The following KRT39 variants were observed in gnomAD, a reference collection of about 807,000 sequenced individuals.
KRT39 encodes keratin, type I cytoskeletal 39.
Under a neutral mutation model 54.8 loss-of-function variants are expected in KRT39, and 47 were observed. That is an observed-to-expected ratio of 0.86 (90% CI 0.68 to 1.09). The LOEUF is 1.09. KRT39 is among the 50% of genes least tolerant of loss of function. The pLI, the probability that KRT39 is intolerant of heterozygous loss-of-function variation, is 0.00. For missense variants in KRT39, 580 were observed against 598.5 expected (o/e 0.97, Z 0.32); for synonymous variants, 207 against 227.9 (o/e 0.91, Z 0.83).
intron 1 of KRT39, among the ~76,000 whole-genome samples, chr17:40,964,995 G>T (rs1911316002): frequency 6.6e-6 from 1 of 151,586 alleles, no homozygotes; most frequent in Non-Finnish European, 1.5e-5. Context: ...AGGAGATCAA[G>T]ACCATCCTGG....
Position 40,966,864 on chromosome 17 carries a change from G to A in KRT39, c.-8C>T. On this transcript the variant is annotated 5_prime_UTR_variant, in exon 1 of 7. Coordinates refer to ENST00000355612, the MANE Select transcript of KRT39 (RefSeq NM_213656.4). ...ACAGCCCTTGGTGTCCATAGTATGT[G>A]TCTGGCTTTAGTTTGTTCCAGGTCT... 1.3e-6 allele frequency: 2 copies of A among 1,569,312 alleles called. No homozygotes were observed. Among genetic ancestry groups the A allele is most frequent in the South Asian group, 2.2e-5 (2 of 90,270 alleles).
chr17:40,964,589 C>T, intron 1 of KRT39, 61 bp from the exon 2 acceptor site: 2 of 1,194,908 alleles, frequency 1.7e-6, no homozygotes, highest in Admixed American at 1.7e-5. Context: ...TCTTTAAGAA[C>T]CAAGGGGTTT....
chr17:40,960,553 C>T (rs1427871230), intron 5 of KRT39, 52 bp from the exon 6 acceptor site: 1 of 1,331,472 alleles, frequency 7.5e-7, no homozygotes, highest in East Asian at 2.3e-5. Flanking sequence ...AAGCCCAGGT[C>T]ACCTGTGACC....
chr17:40,961,586 T>C, intron 5 of KRT39, among the ~76,000 whole-genome samples: 1 of 152,212 alleles, frequency 6.6e-6, no homozygotes, highest in East Asian at 1.9e-4. Context: ...TTATTTCTTT[T>C]GTGACTTTGG....
chr17:40,958,924 T>C (rs1276844060), intron 6 of KRT39, 65 bp from the exon 7 acceptor site: 4 of 1,480,632 alleles, frequency 2.7e-6, no homozygotes, highest in Admixed American at 2.3e-5. Context: ...TGGAGAAAAA[T>C]GATTGTGGCT....
rs367785023 is a variant in KRT39, at chr17:40,962,482, C to T, written c.790G>A (p.Val264Ile). Reference sequence around the variant, plus strand: ...TATTGACATCTCATTTCTTGTAGAACCTGGTTTAGGTCAGCAGAAGGGGCA... The same window carrying T: ...TATTGACATCTCATTTCTTGTAGAATCTGGTTTAGGTCAGCAGAAGGGGCA... ...TAAPSADLNQ[V>I]LQEMRCQYEP... Residue 264 changes from valine (V) to isoleucine (I), a missense_variant, in exon 4 of 7, where the codon GTT becomes ATT. Coordinates refer to ENST00000355612, the MANE Select transcript of KRT39 (RefSeq NM_213656.4). The T allele has an allele frequency of 8.7e-5, 140 of 1,614,014 alleles. No individual in the cohort carries two copies. Among genetic ancestry groups the T allele is most frequent in the Non-Finnish European group, 1.1e-4 (126 of 1,180,034 alleles).
intron 3 of KRT39, among the ~76,000 whole-genome samples, chr17:40,963,078 T>C (rs1037465588): frequency 6.6e-6 from 1 of 152,192 alleles, no homozygotes; most frequent in Admixed American, 6.5e-5. Context: ...GCTCCAGATA[T>C]TGTGTTGGAG....
intron 1 of KRT39, among the ~76,000 whole-genome samples, chr17:40,964,934 C>T (rs1259239011): frequency 2.0e-5 from 3 of 151,002 alleles, no homozygotes; most frequent in Admixed American, 1.3e-4. Flanking sequence ...CAGTGGCTCA[C>T]GCCTGTAATC....
chr17:40,960,571 T>A, intron 5 of KRT39, 70 bp from the exon 6 acceptor site: 13 of 1,152,494 alleles, frequency 1.1e-5, no homozygotes, highest in African/African-American at 7.7e-5. Context: ...ACCTGTATCA[T>A]TTAAAAAAAA....
intron 2 of KRT39, chr17:40,964,023 T>A (rs1911262822): frequency 2.3e-6 from 1 of 434,510 alleles, no homozygotes; most frequent in African/African-American, 2.0e-5. Context: ...TTATTGTCCT[T>A]CCTCTGCCCC....
Position 40,963,745 on chromosome 17 carries a change from G to C in KRT39, c.590C>G (p.Ser197Ter), listed in dbSNP as rs1171093518. ...AEVSLRQLVE[S>*]DANGLKQILN... ...GATCTGCTTGAGGCCATTGGCATCTGACTCTACCAGCTGGCGTAGAGACAC... is the reference window on the plus strand; with the variant it reads ...GATCTGCTTGAGGCCATTGGCATCTCACTCTACCAGCTGGCGTAGAGACAC... The change falls in exon 3 of 7, where the codon TCA becomes TGA. Residue 197 changes from serine (S) to a stop codon, truncating the protein, a stop_gained. Transcript: ENST00000355612. LOFTEE classifies it high-confidence loss of function. The C allele has an allele frequency of 6.2e-7, 1 of 1,605,802 alleles. No homozygotes were observed. Among genetic ancestry groups the C allele is most frequent in the Middle Eastern group, 1.7e-4 (1 of 6,034 alleles).
At chr17:40,960,700 C>T in intron 5 of KRT39, 199 bp from the exon 6 acceptor site, 1 of 585,572 alleles carries the variant, frequency 1.7e-6, no homozygotes, top group South Asian at 2.2e-5. Flanking sequence ...TTATCTCTTC[C>T]CTCTTTCTCT....
intron 3 of KRT39, 24 bp downstream of exon 3, chr17:40,963,603 T>C: frequency 6.4e-7 from 1 of 1,569,682 alleles, no homozygotes; most frequent in Non-Finnish European, 8.7e-7. Context: ...TAGCTTGTGA[T>C]TACTCTATTG....
intron 1 of KRT39, among the ~76,000 whole-genome samples, chr17:40,966,098 T>C (rs1235693008): frequency 2.0e-5 from 3 of 150,786 alleles, no homozygotes; most frequent in African/African-American, 4.9e-5. Flanking sequence ...TGTGTAAGGA[T>C]GGAATTTCAT....
Position 40,958,484 on chromosome 17 carries a change from G to T in KRT39, c.*117C>A. ...TTCTACCTAGCAATGGGGACCCGCT[G>T]TAGTAGTAAGAAACTAAGTACCTTA... On this transcript the variant is annotated 3_prime_UTR_variant, in exon 7 of 7. Transcript: ENST00000355612. 8.7e-7 allele frequency: 1 copy of T among 1,148,416 alleles called. No homozygotes were observed. The highest frequency in any genetic ancestry group is 1.2e-6 in the Non-Finnish European group (1 of 813,488). 71.1% of individuals were successfully genotyped at this position (1,148,416 alleles called of 1,614,324 possible).
chr17:40,964,338 A>G (rs1911273251), intron 2 of KRT39, 108 bp downstream of exon 2: 8 of 864,280 alleles, frequency 9.3e-6, no homozygotes. Flanking sequence ...TTGTGCCAAC[A>G]TCATCTGGGG....
At chr17:40,963,285 C>G (rs1597905674) in intron 3 of KRT39, among the ~76,000 whole-genome samples, 1 of 152,020 alleles carries the variant, frequency 6.6e-6, no homozygotes, top group African/African-American at 2.4e-5. Context: ...GTGGTGTCCC[C>G]CATGCTGTTC....
At chr17:40,960,940 G>A (rs1911127312) in intron 5 of KRT39, among the ~76,000 whole-genome samples, 1 of 152,132 alleles carries the variant, frequency 6.6e-6, no homozygotes, top group African/African-American at 2.4e-5. Context: ...GACCAGCCTG[G>A]CCAAGATGGT....
At chr17:40,965,242 G>T (rs1911338291) in intron 1 of KRT39, among the ~76,000 whole-genome samples, 1 of 151,678 alleles carries the variant, frequency 6.6e-6, no homozygotes, top group African/African-American at 2.4e-5. Flanking sequence ...TGGGTGTGGT[G>T]GTGCGTGCCT....
Sources: gnomAD v4.1 joint callset for allele counts (sites outside exome capture counted in the v4.1 genomes callset) on GRCh38, gnomAD v4.1.1 for gene constraint, MANE v1.5 for transcripts, NCBI Gene and HGNC (gene_info 2026-07-23, HGNC 2026-07-21) for gene names.